Variants in TOX observed in about 807,000 individuals in gnomAD.
TOX encodes thymocyte selection-associated high mobility group box protein TOX.
In TOX, 11 loss-of-function variants were observed where a neutral mutation model predicts 53.7. That is an observed-to-expected ratio of 0.20 (90% CI 0.13 to 0.34). The LOEUF is 0.34. Ranked by LOEUF, TOX falls within the 10% of genes least tolerant of loss-of-function variation. TOX has a pLI of 1.00. For synonymous variants in TOX, 225 were observed against 245.3 expected, an observed-to-expected ratio of 0.92 and a Z score of 0.77; for missense variants, 570 against 664.6, an observed-to-expected ratio of 0.86 and a Z score of 1.56.
At position 59,076,758 on chromosome 8, in the gene TOX, G is replaced by C. The variant is rs561233666; in HGVS notation, c.102+42128C>G. Among the ~76,000 whole-genome samples the C allele has an allele frequency of 1.2e-4, 18 of 152,146 alleles. No homozygotes were observed. The South Asian group carries it at 3.7e-3, about 32-fold the overall frequency. On this transcript the variant is annotated intron_variant, in intron 1 of 8. Transcript: ENST00000361421. ...ATTCAAAAACATGCTCTCTTCATCA[G>C]GGATCATAGGGCAAACCTTTTTAGT...
intron 1 of TOX, among the ~76,000 whole-genome samples, chr8:58,967,421 C>A (rs114317129): frequency 0.028 from 4,326 of 152,230 alleles, 203 homozygotes; most frequent in African/African-American, 0.099. Flanking sequence ...CTCCCCAGAT[C>A]TGCTCAGCCT....
At chr8:59,082,532 G>A (rs561289802) in intron 1 of TOX, among the ~76,000 whole-genome samples, 3 of 152,274 alleles carry the variant, frequency 2.0e-5, no homozygotes, top group East Asian at 3.9e-4. Context: ...ACATCTCTAC[G>A]TATGTACATC....
intron 3 of TOX, among the ~76,000 whole-genome samples, chr8:58,920,983 T>C (rs1812063690): frequency 6.6e-6 from 1 of 152,318 alleles, no homozygotes; most frequent in South Asian, 2.1e-4. Flanking sequence ...CTATGACTCA[T>C]GGATAGGTGA....
intron 6 of TOX, among the ~76,000 whole-genome samples, chr8:58,820,535 C>A (rs1810256942): frequency 6.6e-6 from 1 of 152,210 alleles, no homozygotes; most frequent in Admixed American, 6.5e-5. Context: ...GAATTCTCTT[C>A]AGAGCCTGTG....
chr8:58,964,317 G>C (rs1238031566), intron 1 of TOX, among the ~76,000 whole-genome samples: 2 of 152,130 alleles, frequency 1.3e-5, no homozygotes, highest in African/African-American at 4.8e-5. Flanking sequence ...TATCAGAATA[G>C]GCGTAGTCAT....
intron 1 of TOX, among the ~76,000 whole-genome samples, chr8:59,030,502 T>C (rs1422323565): frequency 6.6e-6 from 1 of 152,152 alleles, no homozygotes. Context: ...TGGAAAAACA[T>C]AAGCATACGC....
intron 5 of TOX, among the ~76,000 whole-genome samples, chr8:58,835,953 C>T (rs1456269421): frequency 6.6e-6 from 1 of 152,120 alleles, no homozygotes; most frequent in Non-Finnish European, 1.5e-5. Flanking sequence ...TGAGCCTTCA[C>T]GGGGGAATCA....
chr8:58,809,679 T>C (rs1236777265), intron 7 of TOX, among the ~76,000 whole-genome samples: 1 of 152,178 alleles, frequency 6.6e-6, no homozygotes, highest in East Asian at 1.9e-4. Context: ...ATATGACCTG[T>C]TCCTCAAGCT....
chr8:58,951,769 T>C (rs765154734), intron 2 of TOX, among the ~76,000 whole-genome samples: 3 of 152,212 alleles, frequency 2.0e-5, no homozygotes, highest in Non-Finnish European at 2.9e-5. Context: ...GGCTATCACA[T>C]TTGAATAATC....
chr8:59,001,875 T>C (rs1203156646), intron 1 of TOX, among the ~76,000 whole-genome samples: 3 of 151,936 alleles, frequency 2.0e-5, no homozygotes, highest in Admixed American at 6.6e-5. Context: ...AGAAATGTCT[T>C]ATAAATAACT....
intron 5 of TOX, 21 bp from the exon 6 acceptor site, chr8:58,826,923 C>A: frequency 3.7e-6 from 6 of 1,603,034 alleles, no homozygotes; most frequent in East Asian, 2.2e-5. Context: ...AGCAAAGAGT[C>A]TTAAATTAGA....
At chr8:58,943,171 G>A (rs552244662) in intron 2 of TOX, among the ~76,000 whole-genome samples, 4 of 152,332 alleles carry the variant, frequency 2.6e-5, no homozygotes, top group South Asian at 2.1e-4. Context: ...CAGAGGATTC[G>A]TAAAGGAGAG....
intron 1 of TOX, among the ~76,000 whole-genome samples, chr8:58,963,314 T>TATAGATAGATAGATAGATAG (rs1554533755): frequency 4.1e-4 from 53 of 130,742 alleles, no homozygotes; most frequent in African/African-American, 1.4e-3. Flanking sequence ...TAGATATATA[T>TATAGATAGATAGATAGATAG]ATAGATAGAT....
At chr8:59,080,252 A>T (rs1804379426) in intron 1 of TOX, among the ~76,000 whole-genome samples, 1 of 152,120 alleles carries the variant, frequency 6.6e-6, no homozygotes, top group South Asian at 2.1e-4. Context: ...AAGTGCTAGG[A>T]TTACAGGCGT....
chr8:58,936,396 C>A (rs1486967194), intron 3 of TOX, among the ~76,000 whole-genome samples: 2 of 152,166 alleles, frequency 1.3e-5, no homozygotes, highest in African/African-American at 2.4e-5. Context: ...GAGTTGGGCA[C>A]TCTCTTGGTC....
intron 3 of TOX, among the ~76,000 whole-genome samples, chr8:58,932,267 A>G (rs770755142): frequency 1.5e-5 from 2 of 136,108 alleles, no homozygotes; most frequent in African/African-American, 5.3e-5. Context: ...CGATATTCAA[A>G]AAAGGATAAT....
At chr8:59,110,695 G>A (rs1440453454) in intron 1 of TOX, among the ~76,000 whole-genome samples, 2 of 151,792 alleles carry the variant, frequency 1.3e-5, no homozygotes, top group Admixed American at 6.6e-5. Context: ...TCTCTCCTTA[G>A]GTGCACTGAC....
At chr8:58,960,283 G>T (rs1812778810) in intron 1 of TOX, among the ~76,000 whole-genome samples, 1 of 152,114 alleles carries the variant, frequency 6.6e-6, no homozygotes, top group Non-Finnish European at 1.5e-5. Flanking sequence ...CCTTTCATCT[G>T]CAATCTGTTT....
chr8:59,003,068 G>A (rs1457545066), intron 1 of TOX, among the ~76,000 whole-genome samples: 3 of 152,100 alleles, frequency 2.0e-5, no homozygotes, highest in Non-Finnish European at 4.4e-5. Context: ...CTGACCTTTG[G>A]TTTCATCTTC....
Sources: allele counts gnomAD v4.1 joint callset (sites outside exome capture counted in the v4.1 genomes callset), GRCh38; gene constraint gnomAD v4.1.1; transcripts MANE v1.5; gene names NCBI Gene and HGNC (gene_info 2026-07-23, HGNC 2026-07-21).